LRFN5: variants seen among roughly 807,000 people sequenced by gnomAD.
LRFN5 encodes leucine rich repeat and fibronectin type III domain containing 5.
In LRFN5, 24 loss-of-function variants were observed where a neutral mutation model predicts 45.6. The ratio of observed to expected loss-of-function variants is 0.53; its 90% CI spans 0.38 to 0.74. The LOEUF is 0.74. Among genes scored for constraint, LRFN5 ranks in the 30% least tolerant of loss-of-function variants. The pLI is 0.00. For missense variants in LRFN5, 776 were observed against 861.5 expected (o/e 0.90, Z 1.24); for synonymous variants, 340 against 313.8 (o/e 1.08, Z -0.88).
chr14:41,676,832 A>G (rs1035350813), intron 1 of LRFN5, among the ~76,000 whole-genome samples: 1 of 152,222 alleles, frequency 6.6e-6, no homozygotes, highest in Non-Finnish European at 1.5e-5. Context: ...TTAAAATATC[A>G]TCACAGACAT....
chr14:41,635,391 C>T (rs1879256714), intron 1 of LRFN5, among the ~76,000 whole-genome samples: 1 of 152,034 alleles, frequency 6.6e-6, no homozygotes, highest in African/African-American at 2.4e-5. Context: ...ACTTTATAAA[C>T]CAAAGAACCC....
intron 4 of LRFN5, chr14:41,893,618 G>T: frequency 1.0e-6 from 1 of 985,192 alleles, no homozygotes; most frequent in African/African-American, 1.7e-5. Flanking sequence ...ATTTCCTTCT[G>T]GTAGAAGCAT....
chr14:41,817,299 A>C (rs756838394), intron 2 of LRFN5, among the ~76,000 whole-genome samples: 1 of 151,910 alleles, frequency 6.6e-6, no homozygotes, highest in Non-Finnish European at 1.5e-5. Context: ...CTGTCTCTTC[A>C]TAGGTATTTT....
intron 1 of LRFN5, among the ~76,000 whole-genome samples, chr14:41,737,314 C>G (rs530047627): frequency 2.6e-5 from 4 of 152,226 alleles, no homozygotes; most frequent in African/African-American, 9.6e-5. Context: ...CTTTATGCTA[C>G]ATACACTCAA....
intron 3 of LRFN5, among the ~76,000 whole-genome samples, chr14:41,890,966 G>A (rs999128496): frequency 6.6e-5 from 10 of 151,956 alleles, no homozygotes; most frequent in Non-Finnish European, 5.9e-5. Context: ...TGTCATCAAT[G>A]TTTTTTTAGC....
chr14:41,619,342 A>T (rs1015439215), intron 1 of LRFN5, among the ~76,000 whole-genome samples: 5 of 152,108 alleles, frequency 3.3e-5, no homozygotes, highest in African/African-American at 1.2e-4. Flanking sequence ...GGTGCAGGGC[A>T]TAGGTCATGG....
At chr14:41,832,558 G>C (rs1888521700) in intron 2 of LRFN5, among the ~76,000 whole-genome samples, 1 of 152,114 alleles carries the variant, frequency 6.6e-6, no homozygotes, top group Non-Finnish European at 1.5e-5. Context: ...TTCACTAGAG[G>C]GTCATTAGGG....
intron 1 of LRFN5, among the ~76,000 whole-genome samples, chr14:41,667,904 A>G (rs992323103): frequency 1.3e-5 from 2 of 152,116 alleles, no homozygotes; most frequent in African/African-American, 4.8e-5. Context: ...TCAGTGTGCA[A>G]TGGCATCTTG....
chr14:41,819,435 T>C (rs550773337), intron 2 of LRFN5, among the ~76,000 whole-genome samples: 3 of 152,154 alleles, frequency 2.0e-5, no homozygotes, highest in Non-Finnish European at 4.4e-5. Flanking sequence ...TGTTATCTCA[T>C]TGTGGTTTTA....
chr14:41,618,885 T>C (rs1888013789), intron 1 of LRFN5, among the ~76,000 whole-genome samples: 1 of 152,324 alleles, frequency 6.6e-6, no homozygotes, highest in South Asian at 2.1e-4. Flanking sequence ...TGTTTTTTTC[T>C]TACACCTTTG....
intron 2 of LRFN5, among the ~76,000 whole-genome samples, chr14:41,833,389 T>G (rs1443949770): frequency 6.6e-6 from 1 of 152,194 alleles, no homozygotes; most frequent in East Asian, 1.9e-4. Context: ...CACATCCGCC[T>G]TCTATAGAAT....
At chr14:41,893,384 G>A (rs912573808) in intron 4 of LRFN5, 77 of 984,420 alleles carry the variant, frequency 7.8e-5, no homozygotes, top group Admixed American at 1.2e-4. Flanking sequence ...CCATCAAAGA[G>A]GTTTTATTTT....
chr14:41,856,675 A>ATTATTTTTTTTT, intron 2 of LRFN5, among the ~76,000 whole-genome samples: 18 of 18,332 alleles, frequency 9.8e-4, no homozygotes, highest in South Asian at 5.1e-3. Context: ...TATTATTATT[A>ATTATTTTTTTTT]TTTTTTTTTT....
At chr14:41,735,134 T>G (rs1015935826) in intron 1 of LRFN5, among the ~76,000 whole-genome samples, 1 of 152,234 alleles carries the variant, frequency 6.6e-6, no homozygotes. Context: ...ATTTTATATT[T>G]TTACATGTTT....
chr14:41,807,622 A>G (rs974951765), intron 2 of LRFN5, among the ~76,000 whole-genome samples: 1 of 152,148 alleles, frequency 6.6e-6, no homozygotes, highest in African/African-American at 2.4e-5. Flanking sequence ...TTTGAAAGTT[A>G]GAAAGCACAG....
chr14:41,784,387 T>C, intron 2 of LRFN5, among the ~76,000 whole-genome samples: 1 of 151,770 alleles, frequency 6.6e-6, no homozygotes, highest in East Asian at 2.0e-4. Flanking sequence ...TTAAAAATTT[T>C]TATTTCTTTT....
chr14:41,614,845 T>C (rs1420321290), intron 1 of LRFN5, among the ~76,000 whole-genome samples: 1 of 152,048 alleles, frequency 6.6e-6, no homozygotes, highest in Non-Finnish European at 1.5e-5. Context: ...ACCATCACCA[T>C]GATCATCTCA....
At chr14:41,638,527 C>T (rs1879416518) in intron 1 of LRFN5, among the ~76,000 whole-genome samples, 1 of 152,078 alleles carries the variant, frequency 6.6e-6, no homozygotes, top group African/African-American at 2.4e-5. Context: ...ATTCTAATCG[C>T]TTTCTATTGC....
At chr14:41,751,133 C>T (rs1179655915) in intron 1 of LRFN5, among the ~76,000 whole-genome samples, 1 of 152,110 alleles carries the variant, frequency 6.6e-6, no homozygotes, top group African/African-American at 2.4e-5. Flanking sequence ...ACAGGGGAAA[C>T]TGCCCCAATG....
Sources: gnomAD v4.1 joint callset for allele counts (sites outside exome capture counted in the v4.1 genomes callset) on GRCh38, gnomAD v4.1.1 for gene constraint, MANE v1.5 for transcripts, NCBI Gene and HGNC (gene_info 2026-07-23, HGNC 2026-07-21) for gene names.